Variants in BRINP3 observed in about 807,000 individuals in gnomAD.
BRINP3 encodes the protein BMP/retinoic acid-inducible neural-specific protein 3.
BRINP3 carries 19 observed loss-of-function variants against 71.0 expected under a neutral mutation model. That is an observed-to-expected ratio of 0.27 (90% CI 0.19 to 0.39). The LOEUF (loss-of-function observed/expected upper bound fraction) is 0.39. BRINP3 is among the 10% of genes least tolerant of loss of function. The pLI is 1.00. For synonymous variants in BRINP3, 380 were observed against 337.7 expected (o/e 1.13, Z -1.37); for missense variants, 959 against 940.8 (o/e 1.02, Z -0.25).
intron 5 of BRINP3, among the ~76,000 whole-genome samples, chr1:190,233,237 C>T (rs114149950): frequency 0.02 from 3,080 of 152,120 alleles, 52 homozygotes; most frequent in Non-Finnish European, 0.03. Flanking sequence ...GCTGGAGTGA[C>T]AGTGGAGTGC....
At chr1:190,336,353 T>A (rs539284368) in intron 2 of BRINP3, among the ~76,000 whole-genome samples, 261 of 152,172 alleles carry the variant, frequency 1.7e-3, no homozygotes, top group Middle Eastern at 3.4e-3. Context: ...AGTTACATAG[T>A]TTTTTGTTTG....
intron 2 of BRINP3, among the ~76,000 whole-genome samples, chr1:190,361,081 A>G (rs1669116050): frequency 6.6e-6 from 1 of 151,948 alleles, no homozygotes; most frequent in African/African-American, 2.4e-5. Flanking sequence ...GAACTTGCTC[A>G]GAGAATAGTG....
At chr1:190,289,749 A>G (rs1663716682) in intron 2 of BRINP3, among the ~76,000 whole-genome samples, 1 of 151,982 alleles carries the variant, frequency 6.6e-6, no homozygotes, top group South Asian at 2.1e-4. Flanking sequence ...CCTGCTTCAT[A>G]TGAACTTCAA....
intron 4 of BRINP3, among the ~76,000 whole-genome samples, chr1:190,238,275 A>C (rs1271915034): frequency 6.6e-6 from 1 of 152,014 alleles, no homozygotes; most frequent in Non-Finnish European, 1.5e-5. Context: ...TGATATCTTA[A>C]CATTTAATAT....
chr1:190,451,831 A>G (rs533418618), intron 2 of BRINP3, among the ~76,000 whole-genome samples: 12 of 152,192 alleles, frequency 7.9e-5, no homozygotes, highest in Admixed American at 6.5e-4. Flanking sequence ...TTGCCGTTCT[A>G]TATTTGGAGT....
At chr1:190,451,374 G>T (rs949637321) in intron 2 of BRINP3, among the ~76,000 whole-genome samples, 2 of 152,082 alleles carry the variant, frequency 1.3e-5, no homozygotes, top group Non-Finnish European at 2.9e-5. Context: ...TGTATTAAAA[G>T]AATAAAGATT....
chr1:190,261,663 A>G (rs1170492410), intron 4 of BRINP3, among the ~76,000 whole-genome samples: 2 of 152,172 alleles, frequency 1.3e-5, no homozygotes, highest in Admixed American at 6.5e-5. Context: ...TCTGTCTCCT[A>G]AATTCTGTAA....
chr1:190,334,325 T>C (rs991118157), intron 2 of BRINP3, among the ~76,000 whole-genome samples: 2 of 151,850 alleles, frequency 1.3e-5, no homozygotes, highest in Non-Finnish European at 2.9e-5. Flanking sequence ...ATGTGAATAA[T>C]TATTTCCTTT....
chr1:190,257,390 A>G (rs951253470), intron 4 of BRINP3, among the ~76,000 whole-genome samples: 7 of 152,090 alleles, frequency 4.6e-5, no homozygotes, highest in Admixed American at 1.3e-4. Flanking sequence ...CATTTGTCTA[A>G]TCTTTTTTCA....
Position 190,363,869 on chromosome 1 carries a change from C to T in BRINP3, c.237-82119G>A, listed in dbSNP as rs533573026. On this transcript the variant is annotated intron_variant, in intron 2 of 7. Coordinates refer to ENST00000367462, the MANE Select transcript of BRINP3 (RefSeq NM_199051.3). The stretch of plus-strand genomic sequence containing the variant: ...CTCCCAGATTTCTACTTTGGATGTC[C>T]CGAATGATGGGCTGCAACTTTCAAT... Among the ~76,000 whole-genome samples the T allele has an allele frequency of 2.2e-3, 339 of 151,976 alleles. 1 individual carries two copies. The highest frequency in any genetic ancestry group is 7.7e-3 in the African/African-American group (321 of 41,452).
chr1:190,186,414 G>A (rs952653853), intron 6 of BRINP3, among the ~76,000 whole-genome samples: 3 of 151,784 alleles, frequency 2.0e-5, no homozygotes, highest in African/African-American at 7.3e-5. Context: ...ATTAGTTCAG[G>A]TATATTTATA....
In BRINP3 at chr1:190,421,319, A is replaced by ATTATT. The variant is rs1178843727; in HGVS notation, c.236+33331_236+33335dup. 2.8e-5 allele frequency among the ~76,000 whole-genome samples: 4 copies of ATTATT among 141,628 alleles called. No homozygotes were observed. The East Asian group carries it at 8.3e-4, about 29-fold the overall frequency. The allele number at this position is 141,628 out of a possible 152,430, so 92.9% of individuals were successfully genotyped here. A position where few individuals can be genotyped will look rare whatever the true frequency, so the allele number is the denominator to read the frequency against. Reference sequence around the variant, plus strand: ...TATTATTATTATTATTATTATTATTATTATTATTGCCAGTTGAGGTAGCAT... The same window carrying ATTATT: ...TATTATTATTATTATTATTATTATTATTATTTTATTATTGCCAGTTGAGGTAGCAT... On this transcript the variant is annotated intron_variant, in intron 2 of 7. Coordinates refer to ENST00000367462, the MANE Select transcript of BRINP3 (RefSeq NM_199051.3).
chr1:190,395,142 C>G (rs534964639), intron 2 of BRINP3, among the ~76,000 whole-genome samples: 9 of 151,676 alleles, frequency 5.9e-5, no homozygotes, highest in African/African-American at 1.9e-4. Flanking sequence ...TTATTGTTTA[C>G]TCAGGCTGCC....
chr1:190,265,860 T>A (rs1283557696), intron 3 of BRINP3, among the ~76,000 whole-genome samples: 2 of 152,234 alleles, frequency 1.3e-5, no homozygotes, highest in East Asian at 3.8e-4. Context: ...TGTGTATGCA[T>A]ATACAGGTAT....
At chr1:190,311,716 A>G (rs912758156) in intron 2 of BRINP3, among the ~76,000 whole-genome samples, 4 of 151,334 alleles carry the variant, frequency 2.6e-5, no homozygotes, top group Admixed American at 2.0e-4. Context: ...AAAGAAGTTG[A>G]TTAGATCTTC....
At chr1:190,404,591 C>G (rs1373410429) in intron 2 of BRINP3, among the ~76,000 whole-genome samples, 1 of 152,132 alleles carries the variant, frequency 6.6e-6, no homozygotes, top group Admixed American at 6.6e-5. Context: ...CAGTTGATAT[C>G]ATTACCTTAC....
chr1:190,393,125 T>C (rs1452655487), intron 2 of BRINP3, among the ~76,000 whole-genome samples: 1 of 151,640 alleles, frequency 6.6e-6, no homozygotes, highest in Non-Finnish European at 1.5e-5. Context: ...AATATTTGCT[T>C]GAATGATAAC....
chr1:190,269,159 T>C (rs1364943106), intron 3 of BRINP3, among the ~76,000 whole-genome samples: 1 of 152,044 alleles, frequency 6.6e-6, no homozygotes, highest in Admixed American at 6.6e-5. Flanking sequence ...AACAAGTACA[T>C]GTGGAAACTT....
chr1:190,125,221 T>TGTCA (rs1260064106), intron 7 of BRINP3, among the ~76,000 whole-genome samples: 1 of 151,956 alleles, frequency 6.6e-6, no homozygotes, highest in Non-Finnish European at 1.5e-5. Flanking sequence ...TAAAGAGCTC[T>TGTCA]GTCATCAAGT....
Sources: allele counts gnomAD v4.1 joint callset (sites outside exome capture counted in the v4.1 genomes callset), GRCh38; gene constraint gnomAD v4.1.1; transcripts MANE v1.5; gene names NCBI Gene and HGNC (gene_info 2026-07-23, HGNC 2026-07-21).